SDHD: variants seen among roughly 807,000 people sequenced by gnomAD.
SDHD encodes the protein succinate dehydrogenase [ubiquinone] cytochrome b small subunit, mitochondrial.
A neutral mutation model predicts 18.7 loss-of-function variants in SDHD; 6 were observed. The observed-to-expected ratio is 0.32, with a 90% CI of 0.18 to 0.63. The LOEUF is 0.63. Ranked by LOEUF, SDHD falls within the 30% of genes least tolerant of loss-of-function variation. SDHD has a pLI of 0.79. For missense variants in SDHD, 160 were observed against 192.7 expected, an observed-to-expected ratio of 0.83 and a Z score of 1.00; for synonymous variants, 56 against 73.9, an observed-to-expected ratio of 0.76 and a Z score of 1.24.
At chr11:112,089,372 T>C (rs534034130) in intron 3 of SDHD, among the ~76,000 whole-genome samples, 1 of 152,314 alleles carries the variant, frequency 6.6e-6, no homozygotes, top group African/African-American at 2.4e-5. Flanking sequence ...TTGACTCTAG[T>C]AGTAGTCTCC....
rs1381418920 is a variant in SDHD, at chr11:112,094,605, A to C, written c.315-200A>C. Among the ~76,000 whole-genome samples the C allele has an allele frequency of 2.6e-5, 4 of 152,198 alleles. No individual in the cohort carries two copies. In the East Asian group the frequency reaches 7.7e-4, roughly 29 times the overall value. ...AAGACTTTGTCTCTAAAGAAAAGTC[A>C]CTAGAAATAGACTTACTGACATACA... On this transcript the variant is annotated intron_variant, in intron 3 of 3. Coordinates refer to ENST00000375549, the MANE Select transcript of SDHD (RefSeq NM_003002.4).
intron 3 of SDHD, among the ~76,000 whole-genome samples, chr11:112,091,368 C>A (rs1865743358): frequency 6.6e-6 from 1 of 152,208 alleles, no homozygotes; most frequent in Non-Finnish European, 1.5e-5. Flanking sequence ...ATTAACAATT[C>A]TCCCCATAAG....
At chr11:112,089,136 A>G in intron 3 of SDHD, 125 bp downstream of exon 3, 1 of 919,018 alleles carries the variant, frequency 1.1e-6, no homozygotes, top group African/African-American at 1.7e-5. Flanking sequence ...TTTAAAATAT[A>G]TATAAAATAT....
intron 3 of SDHD, among the ~76,000 whole-genome samples, chr11:112,093,856 T>C (rs1484602391): frequency 6.6e-6 from 1 of 152,176 alleles, no homozygotes; most frequent in Non-Finnish European, 1.5e-5. Flanking sequence ...TTCTTCTCAG[T>C]ACATATATAT....
At chr11:112,094,727 T>TG (rs1865807032) in intron 3 of SDHD, 78 bp from the exon 4 acceptor site, 2 of 1,328,478 alleles carry the variant, frequency 1.5e-6, no homozygotes, top group South Asian at 2.5e-5. Flanking sequence ...ATTGTTTTTT[T>TG]GCAGCCAAGT....
intron 3 of SDHD, chr11:112,093,153 G>A (rs969263018): frequency 1.0e-5 from 4 of 384,098 alleles, no homozygotes; most frequent in East Asian, 2.3e-4. Flanking sequence ...TGCAACCTCC[G>A]CCTTTCGGGT....
At chr11:112,093,113 C>T (rs767662911) in intron 3 of SDHD, 13 of 369,638 alleles carry the variant, frequency 3.5e-5, no homozygotes, top group East Asian at 1.3e-4. Context: ...TGGCTCGGCA[C>T]GATCTCGGCT....
intron 3 of SDHD, among the ~76,000 whole-genome samples, chr11:112,090,273 T>A (rs965584633): frequency 6.6e-6 from 1 of 151,898 alleles, no homozygotes; most frequent in Non-Finnish European, 1.5e-5. Flanking sequence ...CACATCCGGC[T>A]AATTTTTTTG....
Position 112,087,846 on chromosome 11 carries a change from T to A in SDHD, c.53-11T>A. On this transcript the variant is annotated splice_polypyrimidine_tract_variant and intron_variant, in intron 1 of 3. Transcript: ENST00000375549. ...AGGTTCTTATGATCATCCTAATGACTCTTTCCTCAGCTCTGTTGCTTCGAA... is the reference window on the plus strand; with the variant it reads ...AGGTTCTTATGATCATCCTAATGACACTTTCCTCAGCTCTGTTGCTTCGAA... 2 of 1,577,482 alleles carry A rather than the reference T, an allele frequency of 1.3e-6. No individual in the cohort carries two copies. The highest frequency in any genetic ancestry group is 1.7e-6 in the Non-Finnish European group (2 of 1,147,100).
chr11:112,088,901 C>G lies in SDHD; in HGVS notation c.204C>G (p.Ser68Arg). 1 of 1,612,572 alleles carries G rather than the reference C, an allele frequency of 6.2e-7. No homozygotes were observed. The highest frequency in any genetic ancestry group is 8.5e-7 in the Non-Finnish European group (1 of 1,179,898). ...GSKAASLHWTSERVVSVLLLG... is the reference protein window; with the variant it reads ...GSKAASLHWTRERVVSVLLLG... ...AGGCTGCATCTCTCCACTGGACTAG[C>G]GAGAGGGTTGTCAGTGTTTTGCTCC... Residue 68 changes from serine (S) to arginine (R), a missense_variant, in exon 3 of 4, where the codon AGC becomes AGG. Physicochemically the swap from Ser to Arg is moderately radical, Grantham distance 110 (BLOSUM62 -1). Transcript: ENST00000375549.
chr11:112,094,714 C>T (rs982289339), intron 3 of SDHD, 91 bp from the exon 4 acceptor site: 9 of 1,178,790 alleles, frequency 7.6e-6, no homozygotes, highest in Non-Finnish European at 1.1e-5. Flanking sequence ...TTGAACTTGA[C>T]AGATTGTTTT....
At position 112,095,217 on chromosome 11, in the gene SDHD, A is replaced by G; in HGVS notation, c.*247A>G. ...ATGGGGTTGCCTCCCAGCTTCTTAT[A>G]AGACTCACAGTATAACTAAACATGA... On this transcript the variant is annotated 3_prime_UTR_variant, in exon 4 of 4. Transcript: ENST00000375549. 1 of 522,636 alleles carries G rather than the reference A, an allele frequency of 1.9e-6. No individual in the cohort carries two copies. Among genetic ancestry groups the G allele is most frequent in the Non-Finnish European group, 3.5e-6 (1 of 288,742 alleles). 32.4% of individuals were successfully genotyped at this position (522,636 alleles called of 1,614,324 possible).
At chr11:112,090,068 T>C in intron 3 of SDHD, among the ~76,000 whole-genome samples, 1 of 152,136 alleles carries the variant, frequency 6.6e-6, no homozygotes, top group East Asian at 1.9e-4. Context: ...AGTAAATACT[T>C]GCTGAATGAA....
chr11:112,089,272 T>A (rs1289392788), intron 3 of SDHD, among the ~76,000 whole-genome samples: 1 of 152,226 alleles, frequency 6.6e-6, no homozygotes, highest in East Asian at 1.9e-4. Context: ...CTGTTCCTCC[T>A]GCACTCTTGC....
intron 3 of SDHD, among the ~76,000 whole-genome samples, chr11:112,091,615 A>G (rs1047034017): frequency 6.6e-6 from 1 of 152,110 alleles, no homozygotes; most frequent in African/African-American, 2.4e-5. Flanking sequence ...CAGATCTAAC[A>G]TTGGCCAAAT....
chr11:112,090,774 C>T (rs1412200474), intron 3 of SDHD, among the ~76,000 whole-genome samples: 8 of 151,748 alleles, frequency 5.3e-5, no homozygotes, highest in African/African-American at 1.9e-4. Flanking sequence ...TGGTTCACTG[C>T]AACCTCTGCC....
chr11:112,087,863 T>C lies in SDHD; in HGVS notation c.59T>C (p.Leu20Ser). 6.2e-7 allele frequency: 1 copy of C among 1,609,808 alleles called. No homozygotes were observed. Among genetic ancestry groups the C allele is most frequent in the Non-Finnish European group, 8.5e-7 (1 of 1,176,182 alleles). The part of the protein sequence containing the change: ...VCGALGGRAL[L>S]LRTPVVRPAH... ...CTAATGACTCTTTCCTCAGCTCTGTTGCTTCGAACTCCAGTGGTCAGACCT... is the reference window on the plus strand; with the variant it reads ...CTAATGACTCTTTCCTCAGCTCTGTCGCTTCGAACTCCAGTGGTCAGACCT... The change falls in exon 2 of 4, where the codon TTG (leucine) becomes TCG (serine). Residue 20 changes from leucine to serine, a missense_variant. Physicochemically the swap from Leu to Ser is moderately radical, Grantham distance 145 (BLOSUM62 -2). Transcript: ENST00000375549.
chr11:112,090,224 T>C (rs570291816), intron 3 of SDHD, among the ~76,000 whole-genome samples: 3 of 152,320 alleles, frequency 2.0e-5, no homozygotes, highest in Non-Finnish European at 4.4e-5. Flanking sequence ...TCTCCCTGCC[T>C]CAGCCTCCCA....
chr11:112,093,114 G>A (rs1232076338), intron 3 of SDHD: 5 of 369,210 alleles, frequency 1.4e-5, no homozygotes, highest in Admixed American at 3.0e-5. Flanking sequence ...GGCTCGGCAC[G>A]ATCTCGGCTC....
Sources: allele counts gnomAD v4.1 joint callset (sites outside exome capture counted in the v4.1 genomes callset), GRCh38; gene constraint gnomAD v4.1.1; transcripts MANE v1.5; gene names NCBI Gene and HGNC (gene_info 2026-07-23, HGNC 2026-07-21).